Variants in DOP1B observed in about 807,000 individuals in gnomAD.
DOP1B encodes protein DOP1B.
Under a neutral mutation model 233.5 loss-of-function variants are expected in DOP1B, and 174 were observed. The observed-to-expected ratio is 0.75, with a 90% CI of 0.66 to 0.85. The LOEUF (loss-of-function observed/expected upper bound fraction) is 0.85, where lower values mean the gene tolerates loss of function less well. Ranked by LOEUF, DOP1B falls within the 40% of genes least tolerant of loss-of-function variation. DOP1B has a pLI of 0.00. For synonymous variants in DOP1B, 1,190 were observed against 1,185.6 expected, an observed-to-expected ratio of 1.00 and a Z score of -0.08; for missense variants, 2,652 against 2,846.6, an observed-to-expected ratio of 0.93 and a Z score of 1.56.
intron 2 of DOP1B, among the ~76,000 whole-genome samples, chr21:36,180,651 C>T (rs371283076): frequency 9.9e-5 from 15 of 151,918 alleles, no homozygotes; most frequent in South Asian, 2.1e-4. Flanking sequence ...GAGGCCGAGG[C>T]GGGGGGATCA....
At chr21:36,219,645 G>C (rs989005942) in intron 10 of DOP1B, among the ~76,000 whole-genome samples, 153 bp downstream of exon 10, 1 of 152,146 alleles carries the variant, frequency 6.6e-6, no homozygotes, top group South Asian at 2.1e-4. Flanking sequence ...ATGCGTTGAA[G>C]TCAGTCCATG....
At chr21:36,267,442 G>A (rs564951573) in intron 26 of DOP1B, among the ~76,000 whole-genome samples, 4 of 152,232 alleles carry the variant, frequency 2.6e-5, no homozygotes, top group African/African-American at 7.2e-5. Context: ...TATAGTAGCC[G>A]TTAGCCACAG....
At position 36,238,611 on chromosome 21, in the gene DOP1B, T is replaced by C; in HGVS notation, c.2786T>C (p.Leu929Pro). The C allele has an allele frequency of 6.2e-7, 1 of 1,614,240 alleles. No homozygotes were observed. Among genetic ancestry groups the C allele is most frequent in the Middle Eastern group, 1.6e-4 (1 of 6,062 alleles). ...TATCTCCTCATCAAGGGAACAAGGC[T>C]GGAAGCTCTGTTTAGATTTTCCGTG... The part of the protein sequence containing the change: ...ALLDPDKGTR[L>P]EALFRFSVIW... The change falls in exon 17 of 37, where the codon CTG becomes CCG. Residue 929 changes from leucine to proline, a missense_variant. Around this residue, in one of 3 missense-constraint regions of DOP1B, gnomAD observed 2,617 missense variants for 2,794.3 expected, o/e 0.94. Coordinates refer to ENST00000691173, the MANE Select transcript of DOP1B (RefSeq NM_001320714.2).
intron 2 of DOP1B, among the ~76,000 whole-genome samples, chr21:36,194,347 C>A (rs926344315): frequency 1.3e-5 from 2 of 152,100 alleles, no homozygotes; most frequent in Non-Finnish European, 2.9e-5. Context: ...GTCAAGCTTA[C>A]CTCTCTGATG....
chr21:36,220,353 C>G (rs952163037), intron 10 of DOP1B, among the ~76,000 whole-genome samples: 1 of 152,280 alleles, frequency 6.6e-6, no homozygotes, highest in South Asian at 2.1e-4. Flanking sequence ...AGGTGTCACA[C>G]GTAATCCTAG....
At chr21:36,182,339 A>G (rs2242816) in intron 2 of DOP1B, among the ~76,000 whole-genome samples, 4,473 of 152,200 alleles carry the variant, frequency 0.029, 95 homozygotes, top group South Asian at 0.066. Flanking sequence ...GGGCCCCAGC[A>G]GTAAATGTTA....
intron 20 of DOP1B, 132 bp downstream of exon 20, chr21:36,247,760 G>A (rs1318288444): frequency 1.6e-6 from 1 of 621,174 alleles, no homozygotes; most frequent in Non-Finnish European, 2.7e-6. Flanking sequence ...TGATGCAAAT[G>A]TGAATGCAAA....
chr21:36,241,667 C>G (rs1234803499), intron 18 of DOP1B, among the ~76,000 whole-genome samples: 4 of 147,698 alleles, frequency 2.7e-5, no homozygotes, highest in African/African-American at 5.0e-5. Flanking sequence ...CACCACCATG[C>G]CTGGCTAATT....
intron 4 of DOP1B, among the ~76,000 whole-genome samples, chr21:36,205,214 G>A (rs1372724859): frequency 6.6e-6 from 1 of 152,192 alleles, no homozygotes; most frequent in South Asian, 2.1e-4. Flanking sequence ...TGCGGTGCCC[G>A]GCCCATGCCA....
intron 12 of DOP1B, among the ~76,000 whole-genome samples, chr21:36,227,359 A>G (rs942679826): frequency 3.3e-5 from 5 of 151,794 alleles, no homozygotes; most frequent in Non-Finnish European, 7.4e-5. Context: ...CATCCTGGCT[A>G]ACACGGTGAA....
rs182811558 is a variant in DOP1B, at chr21:36,196,381, C to T, written c.139-2689C>T. On this transcript the variant is annotated intron_variant, in intron 2 of 36. Transcript: ENST00000691173. ...TGAAGCTGGATGTTGGCTGCCTGAC[C>T]GTTCTATGTGTTTGAAATTGCCCAT... Among the ~76,000 whole-genome samples, 414 of 152,228 alleles carry T rather than the reference C, an allele frequency of 2.7e-3. 1 individual carries two copies. The highest frequency in any genetic ancestry group is 9.3e-3 in the African/African-American group (387 of 41,532).
intron 1 of DOP1B, among the ~76,000 whole-genome samples, chr21:36,159,224 G>A (rs1568990656): frequency 6.6e-6 from 1 of 152,172 alleles, no homozygotes; most frequent in Non-Finnish European, 1.5e-5. Flanking sequence ...GGCCAAGGTG[G>A]GTGGATCACT....
chr21:36,248,270 A>T, intron 20 of DOP1B, 110 bp from the exon 21 acceptor site: 1 of 1,104,158 alleles, frequency 9.1e-7, no homozygotes, highest in Non-Finnish European at 1.3e-6. Context: ...TGAGTTGCTT[A>T]GAAGAGAGTC....
At position 36,244,003 on chromosome 21, in the gene DOP1B, C is replaced by A. The variant is rs182323474; in HGVS notation, c.3068-1045C>A. ...TACAGGCATAATTCACTGTACCTGGCCTGATTTTTCCTTTCCTTTTTTTTT... is the reference window on the plus strand; with the variant it reads ...TACAGGCATAATTCACTGTACCTGGACTGATTTTTCCTTTCCTTTTTTTTT... On this transcript the variant is annotated intron_variant, in intron 18 of 36. Coordinates refer to ENST00000691173, the MANE Select transcript of DOP1B (RefSeq NM_001320714.2). 4.8e-5 allele frequency among the ~76,000 whole-genome samples: 7 copies of A among 146,980 alleles called. No individual in the cohort carries two copies. The Admixed American group carries it at 4.8e-4, about 10-fold the overall frequency.
intron 2 of DOP1B, among the ~76,000 whole-genome samples, chr21:36,192,104 A>G (rs1450453414): frequency 6.6e-6 from 1 of 152,070 alleles, no homozygotes; most frequent in African/African-American, 2.4e-5. Context: ...CATGCCTATA[A>G]TCTCAGCACT....
chr21:36,156,838 TTCTGGCTCC>T lies in DOP1B; in HGVS notation c.-131_-123del, dbSNP rs1470750023. The T allele has an allele frequency of 6.6e-6, 1 of 152,542 alleles. No individual in the cohort carries two copies. The highest frequency in any genetic ancestry group is 2.4e-5 in the African/African-American group (1 of 41,424). The allele number at this position is 152,542 out of a possible 1,614,324, so 9.4% of individuals were successfully genotyped here. ...TGGTTCTCCGGCTCTTCCTCGGCGG[TTCTGGCTCC>T]CGGCCGCGCCGCAGCCCTGCCCAGT... On this transcript the variant is annotated 5_prime_UTR_variant, in exon 1 of 37. Transcript: ENST00000691173.
In DOP1B at chr21:36,188,411, C is replaced by T. The variant is rs548823717; in HGVS notation, c.139-10659C>T. Among the ~76,000 whole-genome samples the T allele has an allele frequency of 2.5e-4, 38 of 152,284 alleles. 1 individual carries two copies. The highest frequency in any genetic ancestry group is 9.1e-4 in the African/African-American group (38 of 41,560). On this transcript the variant is annotated intron_variant, in intron 2 of 36. Coordinates refer to ENST00000691173, the MANE Select transcript of DOP1B (RefSeq NM_001320714.2). ...CACTCCCTCAAGCTGGCAAAGCAAC[C>T]GGGTCATGCCATTTCAGTCAAGGTG... is the stretch of plus-strand genomic sequence containing the variant.
chr21:36,251,544 C>T (rs938703397), intron 22 of DOP1B, among the ~76,000 whole-genome samples: 1 of 152,176 alleles, frequency 6.6e-6, no homozygotes, highest in African/African-American at 2.4e-5. Flanking sequence ...CTCAGCCTCC[C>T]ATGTAACTGG....
intron 15 of DOP1B, among the ~76,000 whole-genome samples, chr21:36,234,229 A>C (rs1283878757): frequency 6.6e-6 from 1 of 152,140 alleles, no homozygotes; most frequent in Non-Finnish European, 1.5e-5. Flanking sequence ...AATAGACAGA[A>C]CTTGAAACCA....
Sources: allele counts gnomAD v4.1 joint callset (sites outside exome capture counted in the v4.1 genomes callset), GRCh38; gene constraint gnomAD v4.1.1; regional missense constraint gnomAD v4.1.1; transcripts MANE v1.5; gene names NCBI Gene and HGNC (gene_info 2026-07-23, HGNC 2026-07-21).